Variants in DYNC1I2 observed in about 807,000 individuals in gnomAD.
The protein encoded by DYNC1I2 is cytoplasmic dynein 1 intermediate chain 2.
In DYNC1I2, 53 loss-of-function variants were observed where a neutral mutation model predicts 88.6. That is an observed-to-expected ratio of 0.60 (90% CI 0.48 to 0.75). The LOEUF is 0.75. DYNC1I2 is among the 30% of genes least tolerant of loss of function. The pLI, the probability that DYNC1I2 is intolerant of heterozygous loss-of-function variation, is 0.00. For synonymous variants in DYNC1I2, 198 were observed against 254.6 expected (o/e 0.78, Z 2.12); for missense variants, 458 against 766.6 (o/e 0.60, Z 4.75).
At chr2:171,699,308 A>G (rs1456849996) in intron 3 of DYNC1I2, among the ~76,000 whole-genome samples, 1 of 152,084 alleles carries the variant, frequency 6.6e-6, no homozygotes, top group Non-Finnish European at 1.5e-5. Context: ...CTCCGTCTCA[A>G]AAAAAAAGAA....
At chr2:171,711,532 GA>G (rs1369474786) in intron 5 of DYNC1I2, among the ~76,000 whole-genome samples, 1 of 152,194 alleles carries the variant, frequency 6.6e-6, no homozygotes, top group African/African-American at 2.4e-5. Context: ...GTAAATGACA[GA>G]ACATTCCTTG....
At chr2:171,743,032 A>C (rs1283855134) in intron 15 of DYNC1I2, among the ~76,000 whole-genome samples, 1 of 152,170 alleles carries the variant, frequency 6.6e-6, no homozygotes, top group Non-Finnish European at 1.5e-5. Flanking sequence ...TTCAAAATCC[A>C]CATATAACTT....
Position 171,745,907 on chromosome 2 carries a change from G to A in DYNC1I2, c.1783G>A (p.Val595Ile). 1 of 1,613,796 alleles carries A rather than the reference G, an allele frequency of 6.2e-7. No individual in the cohort carries two copies. Residue 595 changes from valine to isoleucine, a missense_variant, in exon 17 of 18, where the codon GTT (valine) becomes ATT (isoleucine). Transcript: ENST00000397119. ...IAVGDSEGQI[V>I]IYDVGEQIAV... ...TGTGGGTGATTCTGAAGGACAGATT[G>A]TTATATACGATGTGGGAGAGGTATG...
chr2:171,732,084 C>T (rs973939195), intron 15 of DYNC1I2, among the ~76,000 whole-genome samples: 4 of 152,156 alleles, frequency 2.6e-5, no homozygotes, highest in Non-Finnish European at 5.9e-5. Context: ...TCAAATGTGA[C>T]CGGGCAGGGT....
intron 3 of DYNC1I2, among the ~76,000 whole-genome samples, chr2:171,697,525 C>T (rs907776371): frequency 1.4e-4 from 22 of 151,900 alleles, no homozygotes; most frequent in African/African-American, 4.1e-4. Context: ...TGATCTAATT[C>T]GAACTGTGTG....
intron 6 of DYNC1I2, 119 bp downstream of exon 6, chr2:171,712,945 A>C: frequency 3.7e-6 from 3 of 817,716 alleles, no homozygotes; most frequent in Non-Finnish European, 6.0e-6. Context: ...GACAAGAGTT[A>C]TATTTTACTG....
intron 7 of DYNC1I2, among the ~76,000 whole-genome samples, chr2:171,715,945 A>C (rs1179996870): frequency 6.6e-6 from 1 of 152,202 alleles, no homozygotes; most frequent in Non-Finnish European, 1.5e-5. Flanking sequence ...TTTGTTGATT[A>C]GTTAGTAGCC....
chr2:171,728,468 A>G (rs754848576), intron 13 of DYNC1I2, 50 bp downstream of exon 13: 2 of 1,147,646 alleles, frequency 1.7e-6, no homozygotes, highest in South Asian at 2.9e-5. Flanking sequence ...TTATGTTTTA[A>G]GTGTATGTGT....
chr2:171,712,646 C>A (rs1687203908), intron 5 of DYNC1I2, 121 bp from the exon 6 acceptor site: 5 of 702,776 alleles, frequency 7.1e-6, no homozygotes, highest in South Asian at 2.1e-5. Flanking sequence ...TAATACTAAC[C>A]AGAACATGTG....
chr2:171,703,555 C>A (rs1686439433), intron 3 of DYNC1I2, among the ~76,000 whole-genome samples: 1 of 151,874 alleles, frequency 6.6e-6, no homozygotes, highest in Non-Finnish European at 1.5e-5. Flanking sequence ...TTATTAATTT[C>A]TTTTTTTTAA....
chr2:171,726,766 T>A (rs200114062), intron 10 of DYNC1I2, 25 bp from the exon 11 acceptor site: 1 of 1,609,632 alleles, frequency 6.2e-7, no homozygotes, highest in African/African-American at 1.3e-5. Context: ...ATAGCATTTC[T>A]TTTCTTCTTG....
At chr2:171,690,392 G>C in intron 2 of DYNC1I2, 129 bp downstream of exon 2, 2 of 612,780 alleles carry the variant, frequency 3.3e-6, no homozygotes, top group East Asian at 2.9e-5. Context: ...AATTATGATT[G>C]CTTTTGCACA....
At position 171,715,874 on chromosome 2, in the gene DYNC1I2, A is replaced by G. The variant is rs186654839; in HGVS notation, c.511+431A>G. Among the ~76,000 whole-genome samples the G allele has an allele frequency of 8.2e-4, 125 of 152,314 alleles. 3 individuals carry two copies. Among genetic ancestry groups the G allele is most frequent in the Admixed American group, 7.5e-3 (115 of 15,300 alleles). Reference sequence around the variant, plus strand: ...CATACTGTACCCTGATGTTATTCATACTAATGAACAAATCTAGACTTAATT... The same window carrying G: ...CATACTGTACCCTGATGTTATTCATGCTAATGAACAAATCTAGACTTAATT... On this transcript the variant is annotated intron_variant, in intron 7 of 17. Transcript: ENST00000397119.
intron 5 of DYNC1I2, among the ~76,000 whole-genome samples, chr2:171,709,791 C>T (rs895327378): frequency 6.6e-6 from 1 of 152,106 alleles, no homozygotes; most frequent in East Asian, 1.9e-4. Context: ...GATCTTGGCT[C>T]ACTGCAACCT....
In DYNC1I2 at chr2:171,739,696, C is replaced by CTCTCTCTCTCTCTTTTTTTTTTTTTTTT. The variant is rs1689267774; in HGVS notation, c.1537-4352_1537-4351insCTCTCTCTCTCTTTTTTTTTTTTTTTTT. 4.6e-5 allele frequency among the ~76,000 whole-genome samples: 3 copies of CTCTCTCTCTCTCTTTTTTTTTTTTTTTT among 65,038 alleles called. 1 individual carries two copies. The highest frequency in any genetic ancestry group is 1.7e-4 in the African/African-American group (3 of 17,434). 42.7% of individuals were successfully genotyped at this position (65,038 alleles called of 152,430 possible). ...CCATCCATTTGCGATTGACATATCT[C>CTCTCTCTCTCTCTTTTTTTTTTTTTTTT]TTTTTTTTTTTTTTTTTTTTTTTTT... On this transcript the variant is annotated intron_variant, in intron 15 of 17. Coordinates refer to ENST00000397119, the MANE Select transcript of DYNC1I2 (RefSeq NM_001378.3).
chr2:171,690,820 A>C (rs1685350951), intron 2 of DYNC1I2, among the ~76,000 whole-genome samples: 1 of 151,828 alleles, frequency 6.6e-6, no homozygotes, highest in Admixed American at 6.6e-5. Context: ...ATGCTAGGCT[A>C]ATTTTTGTAT....
chr2:171,707,262 G>C (rs1686752819), intron 4 of DYNC1I2, 25 bp from the exon 5 acceptor site: 5 of 1,613,754 alleles, frequency 3.1e-6, no homozygotes, highest in Non-Finnish European at 4.2e-6. Flanking sequence ...AGTAACAGCG[G>C]ATACCTGTCT....
chr2:171,712,158 G>A (rs548733633), intron 5 of DYNC1I2, among the ~76,000 whole-genome samples: 33 of 152,136 alleles, frequency 2.2e-4, no homozygotes, highest in Non-Finnish European at 4.6e-4. Context: ...TTAAGCAGAT[G>A]ATACGTAAGC....
chr2:171,725,578 GTTTT>G, intron 7 of DYNC1I2, 36 bp from the exon 8 acceptor site: 1 of 1,152,704 alleles, frequency 8.7e-7, no homozygotes, highest in Non-Finnish European at 1.2e-6. Context: ...ATATCATTCT[GTTTT>G]TTTGTTTTTT....
Sources: allele counts gnomAD v4.1 joint callset (sites outside exome capture counted in the v4.1 genomes callset), GRCh38; gene constraint gnomAD v4.1.1; transcripts MANE v1.5; gene names NCBI Gene and HGNC (gene_info 2026-07-23, HGNC 2026-07-21).